The following CNTN4 variants were observed in gnomAD, a reference collection of about 807,000 sequenced individuals.
CNTN4 encodes the protein contactin 4.
CNTN4 carries 77 observed loss-of-function variants against 122.5 expected under a neutral mutation model. The observed-to-expected ratio is 0.63, with a 90% CI of 0.52 to 0.76. The LOEUF (loss-of-function observed/expected upper bound fraction) is 0.76. Among genes scored for constraint, CNTN4 ranks in the 30% least tolerant of loss-of-function variants. The pLI, the probability that CNTN4 is intolerant of heterozygous loss-of-function variation, is 0.00. For missense variants in CNTN4, 1,256 were observed against 1,259.1 expected, an observed-to-expected ratio of 1.00 and a Z score of 0.04; for synonymous variants, 512 against 447.0, an observed-to-expected ratio of 1.15 and a Z score of -1.83.
intron 2 of CNTN4, among the ~76,000 whole-genome samples, chr3:2,118,355 C>G (rs978360751): frequency 6.6e-6 from 1 of 152,166 alleles, no homozygotes; most frequent in Admixed American, 6.5e-5. Context: ...GTTTAGTGAT[C>G]AGTGTATGCT....
intron 9 of CNTN4, among the ~76,000 whole-genome samples, chr3:2,885,626 TA>T (rs2093965234): frequency 2.0e-5 from 3 of 152,234 alleles, no homozygotes; most frequent in Admixed American, 2.0e-4. Context: ...TGTTGGTACA[TA>T]GATTTATGGA....
In CNTN4 at chr3:2,630,701, AGTGTGT is replaced by A. The variant is rs10689131; in HGVS notation, c.55+59168_55+59173del. 2.8e-3 allele frequency among the ~76,000 whole-genome samples: 383 copies of A among 137,370 alleles called. 4 individuals carry two copies. Among genetic ancestry groups the A allele is most frequent in the African/African-American group, 1.0e-2 (364 of 36,524 alleles). 90.1% of individuals were successfully genotyped at this position (137,370 alleles called of 152,430 possible). A position where few individuals can be genotyped will look rare whatever the true frequency, so the allele number is the denominator to read the frequency against. On this transcript the variant is annotated intron_variant, in intron 4 of 24. Transcript: ENST00000418658. ...TATATCCCTATCTGTTTATTAAGGG[AGTGTGT>A]GTGTGTGTGTGTGTGTGTGTGTGTA... is the stretch of plus-strand genomic sequence containing the variant.
intron 2 of CNTN4, among the ~76,000 whole-genome samples, chr3:2,197,950 G>C (rs1227351206): frequency 4.0e-5 from 6 of 151,806 alleles, no homozygotes; most frequent in African/African-American, 1.5e-4. Context: ...AGGAGGCAGA[G>C]GTTGCAGTGG....
intron 2 of CNTN4, among the ~76,000 whole-genome samples, chr3:2,254,873 G>C (rs898815612): frequency 6.6e-6 from 1 of 152,132 alleles, no homozygotes; most frequent in Non-Finnish European, 1.5e-5. Flanking sequence ...TTGCTGTGAG[G>C]AAGCTCTTTA....
At chr3:2,248,966 GT>G (rs1193828052) in intron 2 of CNTN4, among the ~76,000 whole-genome samples, 1 of 151,864 alleles carries the variant, frequency 6.6e-6, no homozygotes, top group Non-Finnish European at 1.5e-5. Flanking sequence ...CGCATAAGGA[GT>G]TTTCTAATGA....
At chr3:2,502,993 T>G (rs11916809) in intron 3 of CNTN4, among the ~76,000 whole-genome samples, 2,715 of 152,272 alleles carry the variant, frequency 0.018, 78 homozygotes, top group African/African-American at 0.062. Flanking sequence ...CATTTATTAC[T>G]GAAACATTTT....
intron 3 of CNTN4, among the ~76,000 whole-genome samples, chr3:2,540,831 A>G (rs1468658395): frequency 6.6e-6 from 1 of 152,146 alleles, no homozygotes; most frequent in African/African-American, 2.4e-5. Flanking sequence ...TTATTTGCCA[A>G]TTAATAGAGA....
At chr3:2,826,807 G>C (rs565147297) in intron 7 of CNTN4, among the ~76,000 whole-genome samples, 10 of 152,176 alleles carry the variant, frequency 6.6e-5, no homozygotes, top group Non-Finnish European at 1.5e-4. Flanking sequence ...CCACATTCAA[G>C]TCAAGTTGCC....
chr3:2,646,550 T>C (rs977195444), intron 4 of CNTN4, among the ~76,000 whole-genome samples: 2 of 152,202 alleles, frequency 1.3e-5, no homozygotes, highest in African/African-American at 4.8e-5. Context: ...ATGGCTATCA[T>C]TGTTACCATG....
rs568668066 is a variant in CNTN4, at chr3:2,537,686, T to C, written c.-88-33730T>C. On this transcript the variant is annotated intron_variant, in intron 3 of 24. Transcript: ENST00000418658. ...TACTCTCTGAAATTTGGGAATTTCGTTGGTCTTATGGACCACGATCATGAG... is the reference window on the plus strand; with the variant it reads ...TACTCTCTGAAATTTGGGAATTTCGCTGGTCTTATGGACCACGATCATGAG... 1.2e-4 allele frequency among the ~76,000 whole-genome samples: 19 copies of C among 152,236 alleles called. 1 individual carries two copies. The highest frequency in any genetic ancestry group is 4.6e-4 in the African/African-American group (19 of 41,570).
intron 13 of CNTN4, among the ~76,000 whole-genome samples, chr3:2,983,574 C>A (rs934586411): frequency 6.6e-6 from 1 of 152,194 alleles, no homozygotes; most frequent in African/African-American, 2.4e-5. Context: ...TTTTACATGT[C>A]AGGCATCGTT....
At position 2,534,071 on chromosome 3, in the gene CNTN4, T is replaced by C. The variant is rs547964547; in HGVS notation, c.-88-37345T>C. On this transcript the variant is annotated intron_variant, in intron 3 of 24. Transcript: ENST00000418658. ...GCTGTAGGTTGCCTGTTCACTCTGA[T>C]GGTTGTTTCTTTTGTTGTGCAGAAG... Among the ~76,000 whole-genome samples, 321 of 152,262 alleles carry C rather than the reference T, an allele frequency of 2.1e-3. 1 individual carries two copies. The highest frequency in any genetic ancestry group is 7.4e-3 in the African/African-American group (306 of 41,566).
chr3:2,194,033 T>C (rs184212229), intron 2 of CNTN4, among the ~76,000 whole-genome samples: 28 of 152,294 alleles, frequency 1.8e-4, no homozygotes. Context: ...TTCAGTTCAA[T>C]GAAGTTAGTA....
chr3:2,476,137 C>T (rs1466065496), intron 3 of CNTN4, among the ~76,000 whole-genome samples: 2 of 152,170 alleles, frequency 1.3e-5, no homozygotes, highest in Non-Finnish European at 1.5e-5. Context: ...TAGGGTGGGA[C>T]TGCTGGCCTT....
chr3:2,578,966 C>T (rs1482717045), intron 4 of CNTN4, among the ~76,000 whole-genome samples: 1 of 152,014 alleles, frequency 6.6e-6, no homozygotes, highest in Non-Finnish European at 1.5e-5. Context: ...TATTTAAGTC[C>T]ATAGTGGGAA....
At chr3:2,817,084 T>C (rs1330243066) in intron 6 of CNTN4, among the ~76,000 whole-genome samples, 2 of 152,204 alleles carry the variant, frequency 1.3e-5, no homozygotes, top group African/African-American at 4.8e-5. Context: ...ATGTAATCTT[T>C]CCCTAAACAT....
chr3:2,446,462 G>A (rs1407267986), intron 3 of CNTN4, among the ~76,000 whole-genome samples: 3 of 152,042 alleles, frequency 2.0e-5, no homozygotes, highest in Non-Finnish European at 4.4e-5. Flanking sequence ...CATTTAACTG[G>A]CATCTTTCTT....
Position 2,866,732 on chromosome 3 carries a change from G to C in CNTN4, c.455-20G>C. ...CAGTGCCAAAAGACATATTTGTAAT[G>C]AAGATTTTTTTCCTTTCAGAGCTGA... On this transcript the variant is annotated intron_variant, in intron 7 of 24. Coordinates refer to ENST00000418658, the MANE Select transcript of CNTN4 (RefSeq NM_175607.3). 3 of 1,605,222 alleles carry C rather than the reference G, an allele frequency of 1.9e-6. No individual in the cohort carries two copies. The highest frequency in any genetic ancestry group is 2.6e-6 in the Non-Finnish European group (3 of 1,172,094).
chr3:2,568,305 G>A (rs2079264100), intron 3 of CNTN4, among the ~76,000 whole-genome samples: 1 of 112,022 alleles, frequency 8.9e-6, no homozygotes. Context: ...GTTTTGTTCT[G>A]TGCAAGAATG....
Sources: gnomAD v4.1 joint callset for allele counts (sites outside exome capture counted in the v4.1 genomes callset) on GRCh38, gnomAD v4.1.1 for gene constraint, MANE v1.5 for transcripts, NCBI Gene and HGNC (gene_info 2026-07-23, HGNC 2026-07-21) for gene names.